The following METAP1 variants were observed in gnomAD, a reference collection of about 807,000 sequenced individuals.
METAP1 encodes the protein methionyl aminopeptidase 1.
Under a neutral mutation model 53.8 loss-of-function variants are expected in METAP1, and 28 were observed. The observed-to-expected ratio is 0.52, with a 90% confidence interval of 0.39 to 0.71. METAP1 has a LOEUF of 0.71. METAP1 is among the 30% of genes least tolerant of loss of function. The pLI is 0.00. For synonymous variants in METAP1, 181 were observed against 165.7 expected (o/e 1.09, Z -0.71); for missense variants, 389 against 479.8 (o/e 0.81, Z 1.77).
intron 1 of METAP1, chr4:99,022,652 G>A: frequency 9.2e-7 from 1 of 1,089,938 alleles, no homozygotes. Context: ...GCGCTCAAAG[G>A]CAAGGTGCTC....
rs1017100131 is a variant in METAP1 at position 99,061,822 on chromosome 4, C to G, written c.*505C>G. 1.3e-5 allele frequency: 2 copies of G among 152,176 alleles called. No individual in the cohort carries two copies. The highest frequency in any genetic ancestry group is 2.4e-5 in the African/African-American group (1 of 41,420). 9.4% of individuals were successfully genotyped at this position (152,176 alleles called of 1,614,324 possible). A position where few individuals can be genotyped will look rare whatever the true frequency, so the allele number is the denominator to read the frequency against. The stretch of plus-strand genomic sequence containing the variant: ...GCTCTGACAGGTTTATATGTTCTTA[C>G]AAATGGATCCATAGTTTGCAGTGAT... On this transcript the variant is annotated 3_prime_UTR_variant, in exon 11 of 11. Coordinates refer to ENST00000296411, the MANE Select transcript of METAP1 (RefSeq NM_015143.3).
At chr4:99,051,912 G>C (rs1485981570) in intron 9 of METAP1, among the ~76,000 whole-genome samples, 1 of 152,136 alleles carries the variant, frequency 6.6e-6, no homozygotes, top group Non-Finnish European at 1.5e-5. Context: ...CTATGTAGGA[G>C]AAATCCTTGT....
At chr4:99,046,953 A>AAAAAAAAAAAAAAAAAAG (rs1560730243) in intron 8 of METAP1, among the ~76,000 whole-genome samples, 3 of 149,032 alleles carry the variant, frequency 2.0e-5, no homozygotes, top group Admixed American at 6.7e-5. Context: ...AAAAAAAAAA[A>AAAAAAAAAAAAAAAAAAG]AAAAAGAAAA....
intron 1 of METAP1, chr4:98,997,555 A>T (rs946603223): frequency 6.5e-6 from 1 of 154,648 alleles, no homozygotes; most frequent in Admixed American, 6.5e-5. Flanking sequence ...ATCTGAGTAG[A>T]ATAACTTTAA....
intron 9 of METAP1, among the ~76,000 whole-genome samples, chr4:99,057,153 G>A (rs1727206770): frequency 6.6e-6 from 1 of 152,222 alleles, no homozygotes; most frequent in South Asian, 2.1e-4. Flanking sequence ...ATAGGCATGA[G>A]CCACCGCACC....
At chr4:99,022,662 C>T (rs114537532) in intron 1 of METAP1, 50 of 1,177,358 alleles carry the variant, frequency 4.2e-5, no homozygotes, top group African/African-American at 7.6e-5. Context: ...GCAAGGTGCT[C>T]GCTGTGGTGG....
intron 1 of METAP1, among the ~76,000 whole-genome samples, chr4:99,006,384 ATATAG>A (rs1723180039): frequency 6.6e-6 from 1 of 152,230 alleles, no homozygotes; most frequent in African/African-American, 2.4e-5. Context: ...TTAAAGAAGA[ATATAG>A]TATAATTGCA....
chr4:99,011,455 T>C (rs976365891), intron 1 of METAP1, among the ~76,000 whole-genome samples: 2 of 152,242 alleles, frequency 1.3e-5, no homozygotes, highest in African/African-American at 4.8e-5. Context: ...TGTGATGTAT[T>C]AAATTGATTT....
intron 1 of METAP1, among the ~76,000 whole-genome samples, chr4:99,002,175 T>A (rs940465086): frequency 6.6e-6 from 1 of 152,202 alleles, no homozygotes; most frequent in Non-Finnish European, 1.5e-5. Context: ...GTGACAGACA[T>A]AAGTGCATAG....
In METAP1 at chr4:99,048,075, G is replaced by A. The variant is rs189180576; in HGVS notation, c.788-658G>A. On this transcript the variant is annotated intron_variant, in intron 8 of 10. Coordinates refer to ENST00000296411, the MANE Select transcript of METAP1 (RefSeq NM_015143.3). ...CCTAGTGCACTTTCTTATCTCTTCT[G>A]CTCATATTAATAGAATGGAACACTT... 3.1e-3 allele frequency among the ~76,000 whole-genome samples: 469 copies of A among 152,246 alleles called. 2 individuals are homozygous for A. The highest frequency in any genetic ancestry group is 0.024 in the Middle Eastern group (7 of 294).
At chr4:99,012,654 T>TG (rs1161354579) in intron 1 of METAP1, among the ~76,000 whole-genome samples, 9 of 128,932 alleles carry the variant, frequency 7.0e-5, no homozygotes, top group Non-Finnish European at 1.1e-4. Flanking sequence ...CCCATAAAGT[T>TG]TTTTTTTTTT....
chr4:99,035,348 CGTTTT>C (rs1483441274), intron 3 of METAP1, 47 bp from the exon 4 acceptor site: 91 of 1,315,834 alleles, frequency 6.9e-5, no homozygotes, highest in African/African-American at 8.8e-5. Context: ...TTTCTCCCCT[CGTTTT>C]ATTTATTTTT....
At chr4:99,002,319 G>C (rs2110274672) in intron 1 of METAP1, among the ~76,000 whole-genome samples, 1 of 152,282 alleles carries the variant, frequency 6.6e-6, no homozygotes, top group African/African-American at 2.4e-5. Flanking sequence ...ACTTTATAAA[G>C]CAACCGTTGA....
chr4:99,040,735 C>G (rs1373948615), intron 5 of METAP1, among the ~76,000 whole-genome samples: 5 of 147,536 alleles, frequency 3.4e-5, no homozygotes, highest in African/African-American at 5.0e-5. Flanking sequence ...TTTTCCTCTA[C>G]TTTTCCCCAT....
rs183862407 is a variant in METAP1, at chr4:99,042,850, G to A, written c.517-399G>A. ...GAATTTTGAATTTTTTTGGATTTTG[G>A]AATATTTGTATTATACGTAACTGGT... On this transcript the variant is annotated intron_variant, in intron 6 of 10. Transcript: ENST00000296411. Among the ~76,000 whole-genome samples the A allele has an allele frequency of 2.7e-3, 403 of 151,994 alleles. 4 individuals carry two copies. Among genetic ancestry groups the A allele is most frequent in the African/African-American group, 9.2e-3 (382 of 41,472 alleles).
intron 1 of METAP1, among the ~76,000 whole-genome samples, chr4:99,020,721 T>C (rs1724058465): frequency 6.6e-6 from 1 of 152,198 alleles, no homozygotes; most frequent in Admixed American, 6.5e-5. Context: ...ACTTTTGCTA[T>C]TAACATACAG....
At chr4:99,047,247 G>C (rs989049007) in intron 8 of METAP1, among the ~76,000 whole-genome samples, 12 of 152,088 alleles carry the variant, frequency 7.9e-5, no homozygotes, top group African/African-American at 2.7e-4. Context: ...GTAGAGACCT[G>C]TTCTATACAC....
At position 98,995,858 on chromosome 4, in the gene METAP1, C is replaced by T. The variant is rs1341506874; in HGVS notation, c.105C>T (p.Phe35=). 1.3e-6 allele frequency: 2 copies of T among 1,541,432 alleles called. No homozygotes were observed. The highest frequency in any genetic ancestry group is 8.8e-7 in the Non-Finnish European group (1 of 1,142,184). Residue 35 remains phenylalanine, a synonymous_variant, in exon 1 of 11, where the codon TTC becomes TTT. Transcript: ENST00000296411. ...AGCTGGGCATCCAGGGCTCGTACTT[C>T]TGCTCGCAGGTAGGCGCCCGCTGCC... ...CIKLGIQGSY[F]CSQECFKGSW... is the part of the protein sequence containing the mutation.
chr4:99,060,429 T>C (rs984650736), intron 10 of METAP1, among the ~76,000 whole-genome samples: 1 of 145,844 alleles, frequency 6.9e-6, no homozygotes, highest in Non-Finnish European at 1.5e-5. Context: ...AGTGGCGCGA[T>C]CTCAGCTCAC....
Sources: gnomAD v4.1 joint callset for allele counts (sites outside exome capture counted in the v4.1 genomes callset) on GRCh38, gnomAD v4.1.1 for gene constraint, MANE v1.5 for transcripts, NCBI Gene and HGNC (gene_info 2026-07-23, HGNC 2026-07-21) for gene names.